Variants in HAUS7 observed in about 807,000 individuals in gnomAD.
HAUS7 encodes HAUS augmin like complex subunit 7, also known as HAUS augmin-like complex subunit 7.
Under a neutral mutation model 28.4 loss-of-function variants are expected in HAUS7, and 3 were observed. That is an observed-to-expected ratio of 0.11 (90% CI 0.05 to 0.27). The LOEUF is 0.27. Ranked by LOEUF, HAUS7 falls within the 10% of genes least tolerant of loss-of-function variation. The probability of loss-of-function intolerance (pLI) is 1.00; values close to 1 mark genes in which losing one functional copy is unlikely to be tolerated. For missense variants in HAUS7, 284 were observed against 297.3 expected, an observed-to-expected ratio of 0.96 and a Z score of 0.33; for synonymous variants, 165 against 132.1, an observed-to-expected ratio of 1.25 and a Z score of -1.71.
rs1402457385 is a variant in HAUS7, at chrX:153,469,375, G to C, written c.109-114C>G. The C allele has an allele frequency of 1.2e-5, 5 of 413,505 alleles. No homozygotes were observed. The Admixed American group carries it at 2.0e-4, about 17-fold the overall frequency. 34.1% of individuals were successfully genotyped at this position (413,505 alleles called of 1,213,427 possible). On this transcript the variant is annotated intron_variant, in intron 1 of 9. Transcript: ENST00000370211. The stretch of plus-strand genomic sequence containing the variant: ...CTCACTCTGTCGCCCAGCCTGGATG[G>C]AGTGCAGTGGCATGATCTCGGCTCA...
intron 9 of HAUS7, among the ~76,000 whole-genome samples, chrX:153,451,506 C>A (rs2089239248): frequency 9.0e-6 from 1 of 111,703 alleles, no homozygotes; most frequent in South Asian, 3.7e-4. Flanking sequence ...GTGCCGAGGC[C>A]AAGAGCAGTG....
upstream of HAUS7, among the ~76,000 whole-genome samples, chrX:153,475,055 G>A (rs970876646): frequency 1.2e-4 from 13 of 112,446 alleles, 1 homozygote; most frequent in Non-Finnish European, 2.5e-4. Context: ...CGAGCTCCCC[G>A]GCCGGGCCTG....
At chrX:153,478,890 G>A (rs2089579976) in intron 1 of HAUS7, among the ~76,000 whole-genome samples, 2 of 112,634 alleles carry the variant, frequency 1.8e-5, no homozygotes, top group Non-Finnish European at 3.8e-5. Flanking sequence ...CCGCTCTGTG[G>A]TGGGCCTCTC....
At chrX:153,494,164 C>T (rs1556990183) in intron 1 of HAUS7, among the ~76,000 whole-genome samples, 1 of 111,926 alleles carries the variant, frequency 8.9e-6, no homozygotes, top group African/African-American at 3.3e-5. Context: ...GCGGCTGAGT[C>T]TTGGTGGGGT....
At chrX:153,470,360 G>A (rs1235511867) in intron 1 of HAUS7, 90 bp downstream of exon 1, 1 of 960,615 alleles carries the variant, frequency 1.0e-6, no homozygotes, top group Admixed American at 3.0e-5. Flanking sequence ...GCCGCGTGGC[G>A]CCGCGGACTT....
intron 4 of HAUS7, chrX:153,462,166 T>A: frequency 9.8e-7 from 1 of 1,024,487 alleles, no homozygotes; most frequent in Middle Eastern, 3.1e-4. Context: ...AACAATTATT[T>A]CAAAATTTAG....
At chrX:153,483,900 G>A (rs2089618236) in intron 1 of HAUS7, among the ~76,000 whole-genome samples, 1 of 112,376 alleles carries the variant, frequency 8.9e-6, no homozygotes, top group Admixed American at 9.4e-5. Flanking sequence ...GGGGCAGGAA[G>A]CAGCGCGGAA....
rs72146941 is a variant in HAUS7 at position 153,465,312 on chromosome X, CAAA to C, written c.225-260_225-258del. 7.7e-4 allele frequency among the ~76,000 whole-genome samples: 44 copies of C among 57,178 alleles called. 1 individual carries two copies. Among genetic ancestry groups the C allele is most frequent in the African/African-American group, 1.2e-3 (17 of 14,641 alleles). 49.7% of individuals were successfully genotyped at this position (57,178 alleles called of 115,157 possible). A position where few individuals can be genotyped will look rare whatever the true frequency, so the allele number is the denominator to read the frequency against. On this transcript the variant is annotated intron_variant, in intron 2 of 9. Transcript: ENST00000370211. ...CTGAAATGAAAATTCTTCTCAAGACCAAAAAAAAAAAAAAAAAAAAAAAAGATG... is the reference window on the plus strand; with the variant it reads ...CTGAAATGAAAATTCTTCTCAAGACCAAAAAAAAAAAAAAAAAAAAAGATG...
At chrX:153,486,874 G>T (rs2089642510) in intron 1 of HAUS7, 18 of 912,572 alleles carry the variant, frequency 2.0e-5, no homozygotes, top group Non-Finnish European at 2.6e-5. Flanking sequence ...GGCAGGCTGA[G>T]GTGTGCTTGG....
At position 153,463,273 on chromosome X, in the gene HAUS7, T is replaced by A. The variant is rs781870242; in HGVS notation, c.293-602A>T. Among the ~76,000 whole-genome samples the A allele has an allele frequency of 6.7e-4, 75 of 111,679 alleles. 2 individuals carry two copies. Among genetic ancestry groups the A allele is most frequent in the Non-Finnish European group, 6.0e-4 (32 of 53,032 alleles). On this transcript the variant is annotated intron_variant, in intron 3 of 9. Coordinates refer to ENST00000370211, the MANE Select transcript of HAUS7 (RefSeq NM_001385482.1). Reference sequence around the variant, plus strand: ...CCCCTCCACCTAACCCTGGAGGGTTTGTTGCAAGAAGTAAGCAGAGAGTCT... The same window carrying A: ...CCCCTCCACCTAACCCTGGAGGGTTAGTTGCAAGAAGTAAGCAGAGAGTCT...
At chrX:153,469,285 C>T (rs1202354896) in intron 1 of HAUS7, 24 bp from the exon 2 acceptor site, 2 of 712,869 alleles carry the variant, frequency 2.8e-6, no homozygotes, top group Admixed American at 4.8e-5. Context: ...AGGAAAGCAA[C>T]ATTCACTGAA....
At chrX:153,483,519 G>C in intron 1 of HAUS7, 1 of 729,713 alleles carries the variant, frequency 1.4e-6, no homozygotes, top group African/African-American at 2.3e-5. Flanking sequence ...GAGCAGCCCC[G>C]AGAGGCAGGT....
intron 1 of HAUS7, chrX:153,482,673 G>A: frequency 1.3e-6 from 1 of 755,121 alleles, no homozygotes; most frequent in Middle Eastern, 4.1e-4. Flanking sequence ...GCTACTGCGA[G>A]CAGCTCTGCA....
At chrX:153,492,642 C>G (rs1556989865) in intron 1 of HAUS7, among the ~76,000 whole-genome samples, 1 of 111,640 alleles carries the variant, frequency 9.0e-6, no homozygotes, top group East Asian at 2.8e-4. Context: ...TTCCAAGCCC[C>G]CATCCAGGAA....
At chrX:153,468,481 G>A (rs1477727214) in intron 2 of HAUS7, among the ~76,000 whole-genome samples, 1 of 112,608 alleles carries the variant, frequency 8.9e-6, no homozygotes, top group East Asian at 2.8e-4. Context: ...CCTCAGCTCA[G>A]GGACTACGTC....
At chrX:153,489,078 G>A (rs1454431724) in intron 1 of HAUS7, among the ~76,000 whole-genome samples, 1 of 112,906 alleles carries the variant, frequency 8.9e-6, no homozygotes, top group Non-Finnish European at 1.9e-5. Flanking sequence ...GGCCCGGCCA[G>A]GCCTCAGCCA....
At position 153,455,808 on chromosome X, in the gene HAUS7, A is replaced by G. The variant is rs1556982027; in HGVS notation, c.706-42T>C. The stretch of plus-strand genomic sequence containing the variant: ...AGAGTCCCTTGAGGCTGCCCTGCCC[A>G]CCAGCCAGGCTGCCACCGGCCCTCA... On this transcript the variant is annotated intron_variant, in intron 7 of 9. Transcript: ENST00000370211. The G allele has an allele frequency of 5.8e-6, 5 of 867,131 alleles. No individual in the cohort carries two copies. The Admixed American group carries it at 9.0e-5, about 16-fold the overall frequency. 71.5% of individuals were successfully genotyped at this position (867,131 alleles called of 1,213,427 possible). A position where few individuals can be genotyped will look rare whatever the true frequency, so the allele number is the denominator to read the frequency against.
rs73640042 is a variant in HAUS7, at chrX:153,477,351, G to A, written c.-588-6206C>T. Among the ~76,000 whole-genome samples, 913 of 113,387 alleles carry A rather than the reference G, an allele frequency of 8.1e-3. 9 individuals carry two copies. Among genetic ancestry groups the A allele is most frequent in the African/African-American group, 0.027 (860 of 31,280 alleles). On this transcript the variant is annotated intron_variant, in intron 1 of 5. Transcript: ENST00000370210. ...AGAATCCATCCCCAGGCAGGGGGAG[G>A]GGCGGAGCCGGGGTTCCCATCACCG... is the stretch of plus-strand genomic sequence containing the variant.
At chrX:153,467,709 G>C (rs1017990011) in intron 2 of HAUS7, among the ~76,000 whole-genome samples, 1 of 112,578 alleles carries the variant, frequency 8.9e-6, no homozygotes, top group African/African-American at 3.2e-5. Context: ...GCAGCGCGTG[G>C]AATGGCACAC....
Sources: gnomAD v4.1 joint callset for allele counts (sites outside exome capture counted in the v4.1 genomes callset) on GRCh38, gnomAD v4.1.1 for gene constraint, MANE v1.5 for transcripts, NCBI Gene and HGNC (gene_info 2026-07-23, HGNC 2026-07-21) for gene names.